ARHGAP42: variants seen among roughly 807,000 people sequenced by gnomAD.
The protein encoded by ARHGAP42 is rho GTPase-activating protein 42.
A neutral mutation model predicts 125.0 loss-of-function variants in ARHGAP42; 63 were observed. The observed-to-expected ratio is 0.50, with a 90% CI of 0.41 to 0.62. ARHGAP42 has a LOEUF of 0.62. Among genes scored for constraint, ARHGAP42 ranks in the 20% least tolerant of loss-of-function variants. The pLI is 0.00. For synonymous variants in ARHGAP42, 339 were observed against 351.0 expected (o/e 0.97, Z 0.38); for missense variants, 766 against 1,024.2 (o/e 0.75, Z 3.44).
intron 1 of ARHGAP42, among the ~76,000 whole-genome samples, chr11:100,761,187 C>CTAAACT (rs1340234095): frequency 6.6e-6 from 1 of 151,990 alleles, no homozygotes; most frequent in Non-Finnish European, 1.5e-5. Context: ...CTGCCAGCAT[C>CTAAACT]TAAACTTAAA....
At chr11:100,729,825 T>TC (rs1861924221) in intron 1 of ARHGAP42, among the ~76,000 whole-genome samples, 1 of 151,608 alleles carries the variant, frequency 6.6e-6, no homozygotes, top group East Asian at 1.9e-4. Context: ...TTTTTTTTTT[T>TC]TTTGAGACAG....
At position 100,943,375 on chromosome 11, in the gene ARHGAP42, A is replaced by C. The variant is rs1356243229; in HGVS notation, c.934-384A>C. On this transcript the variant is annotated intron_variant, in intron 9 of 23. Coordinates refer to ENST00000298815, the MANE Select transcript of ARHGAP42 (RefSeq NM_152432.4). ...AATCCAGGGAGTTTTGATTAAGAGC[A>C]CCAAATGTATCCTAACAAGCACTCT... Among the ~76,000 whole-genome samples, 4 of 152,022 alleles carry C rather than the reference A, an allele frequency of 2.6e-5. 1 individual carries two copies. The highest frequency in any genetic ancestry group is 9.7e-5 in the African/African-American group (4 of 41,410).
rs571514047 is a variant in ARHGAP42, at chr11:100,917,498, T to G, written c.486+3945T>G. ...ATATGTGAAATCTTGCACCTCACCC[T>G]CTTTTCCCAAATTTGCTCCTACCTC... On this transcript the variant is annotated intron_variant, in intron 5 of 23. Coordinates refer to ENST00000298815, the MANE Select transcript of ARHGAP42 (RefSeq NM_152432.4). Among the ~76,000 whole-genome samples, 10 of 152,286 alleles carry G rather than the reference T, an allele frequency of 6.6e-5. No individual in the cohort carries two copies. The Middle Eastern group carries it at 0.01, about 155-fold the overall frequency.
In ARHGAP42 at chr11:100,754,833, C is replaced by G. The variant is rs971023470; in HGVS notation, c.155-15510C>G. On this transcript the variant is annotated intron_variant, in intron 1 of 23. Transcript: ENST00000298815. ...AAATTTCATTAAAGTATATTTTTTA[C>G]TTTATTCTGTAATTTATTTGTATTT... Among the ~76,000 whole-genome samples, 29 of 152,120 alleles carry G rather than the reference C, an allele frequency of 1.9e-4. 2 individuals are homozygous for G. Among genetic ancestry groups the G allele is most frequent in the African/African-American group, 6.8e-4 (28 of 41,424 alleles).
chr11:100,911,888 A>T (rs898740234), intron 4 of ARHGAP42, among the ~76,000 whole-genome samples: 1 of 152,116 alleles, frequency 6.6e-6, no homozygotes, highest in Admixed American at 6.5e-5. Context: ...GAATTATTTG[A>T]ATAGTTTGAT....
At chr11:100,771,176 C>T (rs1305733517) in intron 2 of ARHGAP42, among the ~76,000 whole-genome samples, 2 of 152,096 alleles carry the variant, frequency 1.3e-5, no homozygotes, top group Non-Finnish European at 2.9e-5. Flanking sequence ...AACATTACTG[C>T]GGATCAGGAG....
chr11:100,731,178 G>C (rs1208237434), intron 1 of ARHGAP42, among the ~76,000 whole-genome samples: 1 of 142,864 alleles, frequency 7.0e-6, no homozygotes, highest in East Asian at 2.0e-4. Context: ...TTTTTTTTTT[G>C]AGATGCAGTC....
rs1858766408 is a variant in ARHGAP42 at position 100,989,194 on chromosome 11, T to A, written c.*393T>A. On this transcript the variant is annotated 3_prime_UTR_variant, in exon 24 of 24. Coordinates refer to ENST00000298815, the MANE Select transcript of ARHGAP42 (RefSeq NM_152432.4). Reference sequence around the variant, plus strand: ...TTTACTGCCTGGCATTCTCTGAGGATCTCTGAAATTGTTACTTAAAAATGT... The same window carrying A: ...TTTACTGCCTGGCATTCTCTGAGGAACTCTGAAATTGTTACTTAAAAATGT... 2.5e-6 allele frequency: 1 copy of A among 398,380 alleles called. No individual in the cohort carries two copies. Among genetic ancestry groups the A allele is most frequent in the Admixed American group, 4.4e-5 (1 of 22,748 alleles). 24.7% of individuals were successfully genotyped at this position (398,380 alleles called of 1,614,324 possible).
At chr11:100,894,973 G>A (rs1399841031) in intron 4 of ARHGAP42, among the ~76,000 whole-genome samples, 1 of 152,190 alleles carries the variant, frequency 6.6e-6, no homozygotes, top group East Asian at 1.9e-4. Context: ...CATGGGAGAT[G>A]TGCCTAGGAA....
intron 4 of ARHGAP42, among the ~76,000 whole-genome samples, chr11:100,875,123 G>C (rs867724338): frequency 3.7e-4 from 44 of 119,898 alleles, no homozygotes; most frequent in South Asian, 7.1e-4. Flanking sequence ...GTGTGTGTGT[G>C]TGTGTGTGTG....
At chr11:100,923,943 A>T (rs1867349610) in intron 6 of ARHGAP42, among the ~76,000 whole-genome samples, 1 of 152,166 alleles carries the variant, frequency 6.6e-6, no homozygotes, top group Non-Finnish European at 1.5e-5. Context: ...ATGAGTATGT[A>T]TGTCAATCTT....
intron 4 of ARHGAP42, among the ~76,000 whole-genome samples, chr11:100,911,138 C>G (rs548454767): frequency 1.3e-5 from 2 of 152,184 alleles, no homozygotes; most frequent in South Asian, 4.1e-4. Flanking sequence ...ATACTGTAAC[C>G]CGGCTGGTTG....
intron 4 of ARHGAP42, among the ~76,000 whole-genome samples, chr11:100,903,709 A>AAAAAAAAT (rs1332890022): frequency 5.7e-4 from 36 of 63,506 alleles, no homozygotes; most frequent in African/African-American, 2.3e-3. Context: ...TGTCCCTCAA[A>AAAAAAAAT]ATATATATAT....
intron 1 of ARHGAP42, among the ~76,000 whole-genome samples, chr11:100,732,769 G>C (rs990074283): frequency 6.6e-6 from 1 of 152,138 alleles, no homozygotes; most frequent in Non-Finnish European, 1.5e-5. Flanking sequence ...GCTAGTAGCT[G>C]TTACTCCTCT....
At chr11:100,804,740 C>T (rs1224864053) in intron 3 of ARHGAP42, among the ~76,000 whole-genome samples, 1 of 151,938 alleles carries the variant, frequency 6.6e-6, no homozygotes, top group Non-Finnish European at 1.5e-5. Context: ...TCTCAAACTC[C>T]TGACCTCGTG....
chr11:100,895,789 T>C (rs1007978361), intron 4 of ARHGAP42, among the ~76,000 whole-genome samples: 1 of 152,128 alleles, frequency 6.6e-6, no homozygotes, highest in Non-Finnish European at 1.5e-5. Flanking sequence ...TACAGGGTTC[T>C]ATTACAGTGA....
intron 3 of ARHGAP42, among the ~76,000 whole-genome samples, chr11:100,852,889 T>G (rs150580433): frequency 6.6e-6 from 1 of 152,296 alleles, no homozygotes; most frequent in Non-Finnish European, 1.5e-5. Flanking sequence ...GGTAGAGGAC[T>G]GGCTGAAGTA....
At chr11:100,777,552 AGAAATAGGAATATAGTCTAGG>A (rs1203656045) in intron 2 of ARHGAP42, among the ~76,000 whole-genome samples, 1 of 152,228 alleles carries the variant, frequency 6.6e-6, no homozygotes, top group Admixed American at 6.5e-5. Context: ...TTCCCAAATG[AGAAATAGGAATATAGTCTAGG>A]GTGGAAAGTA....
At chr11:100,881,169 C>T (rs1865951202) in intron 4 of ARHGAP42, among the ~76,000 whole-genome samples, 1 of 152,114 alleles carries the variant, frequency 6.6e-6, no homozygotes, top group Non-Finnish European at 1.5e-5. Flanking sequence ...CTAAGCCAAT[C>T]TCTAGAAGAG....
Sources: allele counts gnomAD v4.1 joint callset (sites outside exome capture counted in the v4.1 genomes callset), GRCh38; gene constraint gnomAD v4.1.1; transcripts MANE v1.5; gene names NCBI Gene and HGNC (gene_info 2026-07-23, HGNC 2026-07-21).